Variants in MAST2 observed in about 807,000 individuals in gnomAD.
MAST2 encodes the protein microtubule-associated serine/threonine-protein kinase 2.
Under a neutral mutation model 147.4 loss-of-function variants are expected in MAST2, and 70 were observed. The ratio of observed to expected loss-of-function variants is 0.47; its 90% CI spans 0.39 to 0.58. The LOEUF (loss-of-function observed/expected upper bound fraction) is 0.58. Ranked by LOEUF, MAST2 falls within the 20% of genes least tolerant of loss-of-function variation. MAST2 has a pLI of 0.00. For synonymous variants in MAST2, 869 were observed against 896.8 expected, an observed-to-expected ratio of 0.97 and a Z score of 0.55; for missense variants, 2,080 against 2,302.3, an observed-to-expected ratio of 0.90 and a Z score of 1.98.
intron 3 of MAST2, among the ~76,000 whole-genome samples, chr1:45,864,013 C>T (rs1019962127): frequency 5.9e-5 from 9 of 152,130 alleles, no homozygotes; most frequent in African/African-American, 2.2e-4. Flanking sequence ...AAAGTTTAAA[C>T]GTTGCTTATG....
chr1:45,810,684 G>T (rs1293881552), intron 1 of MAST2, among the ~76,000 whole-genome samples: 1 of 150,872 alleles, frequency 6.6e-6, no homozygotes, highest in Non-Finnish European at 1.5e-5. Flanking sequence ...CTTGGTGGGC[G>T]CCTGTAATCC....
At chr1:46,022,841 TG>T in intron 12 of MAST2, 68 bp from the exon 13 acceptor site, 2 of 1,152,544 alleles carry the variant, frequency 1.7e-6, no homozygotes, top group East Asian at 4.7e-5. Context: ...ACCTGTTGTG[TG>T]ATCTGAGGAT....
chr1:45,944,567 C>T (rs1364922489), intron 4 of MAST2, among the ~76,000 whole-genome samples: 2 of 152,148 alleles, frequency 1.3e-5, no homozygotes, highest in African/African-American at 2.4e-5. Flanking sequence ...TTATTCACCC[C>T]AAATTTTCTA....
At chr1:45,847,203 A>T (rs1369405086) in intron 3 of MAST2, 1 of 527,730 alleles carries the variant, frequency 1.9e-6, no homozygotes, top group Non-Finnish European at 3.9e-6. Context: ...TGCATTTAGA[A>T]TGTCTGGAAT....
In MAST2 at chr1:45,884,556, T is replaced by A. The variant is rs142132651; in HGVS notation, c.500+2161T>A. ...GACAGAGTGATGCGCCGTCAAAAAATAAATAAATAAATAAATAAAAAAGCC... is the reference window on the plus strand; with the variant it reads ...GACAGAGTGATGCGCCGTCAAAAAAAAAATAAATAAATAAATAAAAAAGCC... On this transcript the variant is annotated intron_variant, in intron 4 of 28. Coordinates refer to ENST00000361297, the MANE Select transcript of MAST2 (RefSeq NM_015112.3). Among the ~76,000 whole-genome samples the A allele has an allele frequency of 1.2e-3, 182 of 151,814 alleles. 1 individual carries two copies. In the East Asian group the frequency reaches 0.03, roughly 25 times the overall value.
At chr1:45,846,425 C>T (rs1268568264) in intron 3 of MAST2, among the ~76,000 whole-genome samples, 1 of 152,036 alleles carries the variant, frequency 6.6e-6, no homozygotes, top group Admixed American at 6.6e-5. Context: ...TATATTGCTC[C>T]CCCCGGCCTG....
chr1:45,923,359 G>C (rs1282402782), intron 4 of MAST2, among the ~76,000 whole-genome samples: 4 of 152,164 alleles, frequency 2.6e-5, no homozygotes, highest in Admixed American at 2.6e-4. Context: ...TGGCAGTGAC[G>C]GGCTGCCACT....
At chr1:45,811,945 T>A (rs1248673861) in intron 1 of MAST2, among the ~76,000 whole-genome samples, 2 of 152,112 alleles carry the variant, frequency 1.3e-5, no homozygotes, top group Non-Finnish European at 2.9e-5. Flanking sequence ...AATTTTTGTA[T>A]TTTTAGTAAA....
chr1:45,888,401 G>T (rs1647184098), intron 4 of MAST2, among the ~76,000 whole-genome samples: 1 of 151,684 alleles, frequency 6.6e-6, no homozygotes, highest in Admixed American at 6.6e-5. Context: ...CTCGCTCTGT[G>T]GTCCAAGCTG....
chr1:45,975,560 C>A lies in MAST2; in HGVS notation c.592+16083C>A, dbSNP rs181366939. The stretch of plus-strand genomic sequence containing the variant: ...ATACACACTTGTAGTCCCAGCTGCT[C>A]AGTAGGCTGAGGTGGGAGGGAGGAT... On this transcript the variant is annotated intron_variant, in intron 5 of 28. Coordinates refer to ENST00000361297, the MANE Select transcript of MAST2 (RefSeq NM_015112.3). 2.8e-3 allele frequency among the ~76,000 whole-genome samples: 409 copies of A among 146,154 alleles called. 1 individual carries two copies. Among genetic ancestry groups the A allele is most frequent in the Non-Finnish European group, 4.3e-3 (287 of 66,928 alleles).
intron 4 of MAST2, among the ~76,000 whole-genome samples, chr1:45,918,625 A>G (rs1430884814): frequency 6.6e-6 from 1 of 152,032 alleles, no homozygotes; most frequent in African/African-American, 2.4e-5. Flanking sequence ...TTTGGTAGAG[A>G]CAGGGTTTCA....
chr1:45,960,836 G>C (rs1256031152), intron 5 of MAST2, among the ~76,000 whole-genome samples: 1 of 152,354 alleles, frequency 6.6e-6, no homozygotes, highest in African/African-American at 2.4e-5. Flanking sequence ...GACCTTGTCT[G>C]TCTTTGGGCG....
chr1:45,905,845 G>A (rs1476150647), intron 4 of MAST2, among the ~76,000 whole-genome samples: 1 of 151,808 alleles, frequency 6.6e-6, no homozygotes, highest in African/African-American at 2.4e-5. Flanking sequence ...TAACTGGTAA[G>A]TGTATGTTTA....
chr1:45,819,173 A>C (rs911651456), intron 1 of MAST2, among the ~76,000 whole-genome samples: 2 of 151,862 alleles, frequency 1.3e-5, no homozygotes, highest in Non-Finnish European at 2.9e-5. Flanking sequence ...GAATCGCTTG[A>C]ACCCAGGAGG....
At chr1:45,901,816 G>T (rs1198861887) in intron 4 of MAST2, among the ~76,000 whole-genome samples, 1 of 152,104 alleles carries the variant, frequency 6.6e-6, no homozygotes, top group African/African-American at 2.4e-5. Context: ...CAACTGATTT[G>T]TGCATTAATT....
intron 4 of MAST2, among the ~76,000 whole-genome samples, chr1:45,930,713 A>G (rs896271615): frequency 3.3e-5 from 5 of 152,210 alleles, no homozygotes; most frequent in African/African-American, 1.2e-4. Context: ...TTCCAAGAAT[A>G]GTTCAAAGAG....
intron 5 of MAST2, among the ~76,000 whole-genome samples, chr1:45,996,745 C>G (rs1330998985): frequency 6.6e-6 from 1 of 152,044 alleles, no homozygotes; most frequent in East Asian, 1.9e-4. Context: ...ACGTTAAGTG[C>G]TATATAAGCC....
intron 4 of MAST2, among the ~76,000 whole-genome samples, chr1:45,932,694 C>CA (rs925611852): frequency 6.6e-6 from 1 of 151,670 alleles, no homozygotes. Flanking sequence ...CTCCCCACTC[C>CA]AAAAAAAATT....
chr1:45,828,743 CA>C (rs2147802237), intron 2 of MAST2, among the ~76,000 whole-genome samples: 1 of 152,240 alleles, frequency 6.6e-6, no homozygotes, highest in East Asian at 1.9e-4. Flanking sequence ...GCTAACATGG[CA>C]AAACCCCATG....
Sources: allele counts gnomAD v4.1 joint callset (sites outside exome capture counted in the v4.1 genomes callset), GRCh38; gene constraint gnomAD v4.1.1; transcripts MANE v1.5; gene names NCBI Gene and HGNC (gene_info 2026-07-23, HGNC 2026-07-21).